Variants in POLE2 observed in about 807,000 individuals in gnomAD.
POLE2 encodes DNA polymerase epsilon 2, accessory subunit, also known as DNA polymerase epsilon subunit 2.
A neutral mutation model predicts 79.4 loss-of-function variants in POLE2; 56 were observed. The observed-to-expected ratio is 0.71, with a 90% confidence interval of 0.57 to 0.88. The LOEUF (loss-of-function observed/expected upper bound fraction) is 0.88, where lower values mean the gene tolerates loss of function less well. Ranked by LOEUF, POLE2 falls within the 40% of genes least tolerant of loss-of-function variation. The pLI, the probability that POLE2 is intolerant of heterozygous loss-of-function variation, is 0.00. For missense variants in POLE2, 598 were observed against 638.9 expected (o/e 0.94, Z 0.69); for synonymous variants, 212 against 214.0 (o/e 0.99, Z 0.08).
chr14:49,657,500 G>C (rs1187234646), intron 10 of POLE2, among the ~76,000 whole-genome samples: 1 of 151,312 alleles, frequency 6.6e-6, no homozygotes, highest in Non-Finnish European at 1.5e-5. Context: ...TGCTGCAGCG[G>C]TGCGATCTCA....
chr14:49,669,464 A>G, intron 6 of POLE2, 60 bp downstream of exon 6: 2 of 831,708 alleles, frequency 2.4e-6, no homozygotes, highest in East Asian at 2.4e-5. Context: ...ATTAGAATTA[A>G]GCAACAAATA....
At chr14:49,645,405 T>G (rs1022239616) in intron 18 of POLE2, among the ~76,000 whole-genome samples, 2 of 152,212 alleles carry the variant, frequency 1.3e-5, no homozygotes, top group African/African-American at 4.8e-5. Flanking sequence ...TAGGAGAAAC[T>G]AAGTGGCAAG....
At chr14:49,663,418 C>G (rs774227923) in intron 9 of POLE2, 31 bp from the exon 10 acceptor site, 55 of 1,485,894 alleles carry the variant, frequency 3.7e-5, no homozygotes, top group Admixed American at 6.9e-5. Context: ...TTTCATTTGT[C>G]TAATCCTCTA....
intron 6 of POLE2, 69 bp from the exon 7 acceptor site, chr14:49,666,482 A>G (rs1885502585): frequency 1.6e-6 from 1 of 620,410 alleles, no homozygotes; most frequent in Non-Finnish European, 2.7e-6. Flanking sequence ...CTTTTTATAA[A>G]TAACTATATT....
At chr14:49,671,548 C>T (rs1045557075) in intron 5 of POLE2, among the ~76,000 whole-genome samples, 17 of 144,100 alleles carry the variant, frequency 1.2e-4, no homozygotes, top group African/African-American at 4.1e-4. Context: ...ACCCAGGAGG[C>T]GGAAGTTGCA....
Position 49,666,413 on chromosome 14 carries a change from G to A in POLE2, c.493C>T (p.Leu165Phe). Residue 165 changes from leucine (L) to phenylalanine (F), a missense_variant and splice_region_variant, in exon 7 of 19, where the codon CTT becomes TTT. Transcript: ENST00000216367. ...CCCAATAAGGTTTCTATTGTTTTAA[G>A]CTAAAATAAAACAAAATAAATTTTA... ...HPDESGSKFQLKTIETLLGST... is the reference protein window; with the variant it reads ...HPDESGSKFQFKTIETLLGST... The A allele has an allele frequency of 7.3e-7, 1 of 1,365,876 alleles. No individual in the cohort carries two copies. Among genetic ancestry groups the A allele is most frequent in the Non-Finnish European group, 9.9e-7 (1 of 1,008,106 alleles). The allele number at this position is 1,365,876 out of a possible 1,614,324, so 84.6% of individuals were successfully genotyped here. A position where few individuals can be genotyped will look rare whatever the true frequency, so the allele number is the denominator to read the frequency against.
intron 6 of POLE2, among the ~76,000 whole-genome samples, chr14:49,667,203 AC>A (rs1351579589): frequency 4.0e-5 from 6 of 151,126 alleles, no homozygotes; most frequent in African/African-American, 1.4e-4. Context: ...AACAAAAAAA[AC>A]AAAAAACTTT....
At chr14:49,661,931 C>T (rs1885125901) in intron 10 of POLE2, among the ~76,000 whole-genome samples, 1 of 152,138 alleles carries the variant, frequency 6.6e-6, no homozygotes, top group Admixed American at 6.6e-5. Context: ...TAATAATGAT[C>T]TCTTGGCTAA....
rs375880398 is a variant in POLE2 at position 49,649,596 on chromosome 14, C to T, written c.1497+669G>A. On this transcript the variant is annotated intron_variant, in intron 17 of 18. Transcript: ENST00000216367. ...TCCCAAGTAGGTGGGATTACAGGCG[C>T]GCACCACCACGCCCAGCTAATTATT... Among the ~76,000 whole-genome samples, 15 of 151,908 alleles carry T rather than the reference C, an allele frequency of 9.9e-5. No homozygotes were observed. The South Asian group carries it at 1.7e-3, about 17-fold the overall frequency.
chr14:49,682,737 TTAG>T (rs1025922739), intron 2 of POLE2, among the ~76,000 whole-genome samples: 4 of 151,592 alleles, frequency 2.6e-5, no homozygotes, highest in Non-Finnish European at 5.9e-5. Context: ...TATCAGTGCA[TTAG>T]TAGAATTGCT....
intron 15 of POLE2, 127 bp downstream of exon 15, chr14:49,653,863 T>C: frequency 1.7e-6 from 1 of 601,366 alleles, no homozygotes; most frequent in Non-Finnish European, 3.0e-6. Context: ...CCAAAGCTGG[T>C]CTCGGAACTC....
chr14:49,665,118 G>C lies in POLE2; in HGVS notation c.622C>G (p.Leu208Val), dbSNP rs746882056. ...CAAGTGAAGGATATAGCTTTACTAA[G>C]GTCTAGTTGGACTGTTCCAGTAGGA... is the stretch of plus-strand genomic sequence containing the variant. ...EDPTGTVQLD[L>V]SKAQFHSGLY... The change falls in exon 8 of 19, where the codon CTT (leucine) becomes GTT (valine). Residue 208 changes from leucine (L) to valine (V), a missense_variant. Coordinates refer to ENST00000216367, the MANE Select transcript of POLE2 (RefSeq NM_002692.4). The C allele has an allele frequency of 7.2e-7, 1 of 1,393,808 alleles. No individual in the cohort carries two copies. Among genetic ancestry groups the C allele is most frequent in the Non-Finnish European group, 1.0e-6 (1 of 985,534 alleles). The allele number at this position is 1,393,808 out of a possible 1,614,324, so 86.3% of individuals were successfully genotyped here. A position where few individuals can be genotyped will look rare whatever the true frequency, so the allele number is the denominator to read the frequency against.
intron 1 of POLE2, among the ~76,000 whole-genome samples, chr14:49,687,297 ACAC>A (rs1390275689): frequency 8.8e-6 from 1 of 113,264 alleles, no homozygotes; most frequent in East Asian, 2.2e-4. Context: ...ATATACACAC[ACAC>A]CACACACACA....
Position 49,666,678 on chromosome 14 carries a change from C to T in POLE2, c.493-265G>A, listed in dbSNP as rs572966809. 3.3e-5 allele frequency among the ~76,000 whole-genome samples: 5 copies of T among 152,208 alleles called. No individual in the cohort carries two copies. The South Asian group carries it at 1.0e-3, about 32-fold the overall frequency. ...TCTTACCAATGACTGAATCCTCACA[C>T]CATATCATTCTGAATAATGATAAGT... On this transcript the variant is annotated intron_variant, in intron 6 of 18. Coordinates refer to ENST00000216367, the MANE Select transcript of POLE2 (RefSeq NM_002692.4).
chr14:49,677,969 A>G, intron 3 of POLE2: 1 of 262,890 alleles, frequency 3.8e-6, no homozygotes. Context: ...TGGAATCTCT[A>G]CCCATTCTTT....
chr14:49,643,979 G>A (rs1036759229), intron 18 of POLE2, among the ~76,000 whole-genome samples: 1 of 146,840 alleles, frequency 6.8e-6, no homozygotes, highest in African/African-American at 2.5e-5. Flanking sequence ...TCCTGGGTTC[G>A]AGTGATTCTC....
chr14:49,677,398 T>G, intron 3 of POLE2: 2 of 482,752 alleles, frequency 4.1e-6, no homozygotes, highest in South Asian at 2.4e-5. Context: ...AGGCCATTCA[T>G]GCCAAGGGTT....
intron 9 of POLE2, among the ~76,000 whole-genome samples, chr14:49,663,702 C>T (rs1231896520): frequency 6.6e-6 from 1 of 151,954 alleles, no homozygotes; most frequent in Non-Finnish European, 1.5e-5. Context: ...ATTGAGGTAT[C>T]GTTCACATAC....
At chr14:49,666,548 G>A in intron 6 of POLE2, 135 bp from the exon 7 acceptor site, 1 of 436,198 alleles carries the variant, frequency 2.3e-6, no homozygotes, top group Non-Finnish European at 4.0e-6. Flanking sequence ...CAAATAAAAT[G>A]GAAATAAAGT....
Sources: allele counts gnomAD v4.1 joint callset (sites outside exome capture counted in the v4.1 genomes callset), GRCh38; gene constraint gnomAD v4.1.1; transcripts MANE v1.5; gene names NCBI Gene and HGNC (gene_info 2026-07-23, HGNC 2026-07-21).